The following DNAI7 variants were observed in gnomAD, a reference collection of about 807,000 sequenced individuals.
The protein encoded by DNAI7 is cancer susceptibility 1.
Under a neutral mutation model 86.6 loss-of-function variants are expected in DNAI7, and 78 were observed. The ratio of observed to expected loss-of-function variants is 0.90; its 90% CI spans 0.75 to 1.09. DNAI7 has a LOEUF of 1.09. DNAI7 is among the 50% of genes least tolerant of loss of function. The probability of loss-of-function intolerance (pLI) is 0.00; values close to 1 mark genes in which losing one functional copy is unlikely to be tolerated. For synonymous variants in DNAI7, 274 were observed against 273.0 expected (o/e 1.00, Z -0.04); for missense variants, 753 against 810.2 (o/e 0.93, Z 0.86).
downstream of DNAI7, chr12:25,107,968 G>A (rs755949382): frequency 4.6e-5 from 75 of 1,613,974 alleles, no homozygotes; most frequent in Middle Eastern, 8.2e-4. Flanking sequence ...TGTGGATGCC[G>A]CTCCCACACA....
At chr12:25,139,645 C>T (rs373484363) in intron 9 of DNAI7, among the ~76,000 whole-genome samples, 5 of 151,978 alleles carry the variant, frequency 3.3e-5, no homozygotes, top group African/African-American at 1.2e-4. Context: ...GTGAGTTGAA[C>T]AATGAGAAGC....
chr12:25,182,584 G>C (rs1442981839), intron 2 of DNAI7, among the ~76,000 whole-genome samples: 2 of 136,414 alleles, frequency 1.5e-5, no homozygotes, highest in Non-Finnish European at 1.6e-5. Flanking sequence ...ACTGCAGCCA[G>C]AGTGATAGAG....
intron 2 of DNAI7, among the ~76,000 whole-genome samples, chr12:25,172,220 A>C (rs2141159334): frequency 6.6e-6 from 1 of 151,852 alleles, no homozygotes; most frequent in Admixed American, 6.6e-5. Flanking sequence ...AAACCCTAGA[A>C]AGCTCCTAGA....
intron 2 of DNAI7, among the ~76,000 whole-genome samples, chr12:25,182,802 T>C (rs1463153871): frequency 6.8e-6 from 1 of 147,394 alleles, no homozygotes; most frequent in Non-Finnish European, 1.5e-5. Flanking sequence ...CACACGTCTG[T>C]GGTCCCAGCT....
chr12:25,129,244 G>A (rs1218920879), intron 9 of DNAI7, among the ~76,000 whole-genome samples: 1 of 151,998 alleles, frequency 6.6e-6, no homozygotes, highest in East Asian at 1.9e-4. Flanking sequence ...TGTTTAATTT[G>A]GTGCATGAAT....
chr12:25,115,722 T>G (rs560583510), intron 12 of DNAI7, among the ~76,000 whole-genome samples: 1 of 152,358 alleles, frequency 6.6e-6, no homozygotes, highest in South Asian at 2.1e-4. Flanking sequence ...GGCAGACATG[T>G]AAAATGGTAC....
chr12:25,155,296 A>G lies in DNAI7; in HGVS notation c.300+15T>C, dbSNP rs1388525863. ...GTGACAAAGGTATTAGCTAAAAAAG[A>G]GAAATCAGTCCTACCTGAGAAAGCA... On this transcript the variant is annotated intron_variant, in intron 5 of 15. Coordinates refer to ENST00000395987, the MANE Select transcript of DNAI7 (RefSeq NM_018272.5). The G allele has an allele frequency of 1.4e-6, 2 of 1,438,232 alleles. No individual in the cohort carries two copies. Among genetic ancestry groups the G allele is most frequent in the Non-Finnish European group, 1.9e-6 (2 of 1,031,140 alleles). The allele number at this position is 1,438,232 out of a possible 1,614,324, so 89.1% of individuals were successfully genotyped here. A position where few individuals can be genotyped will look rare whatever the true frequency, so the allele number is the denominator to read the frequency against.
At chr12:25,193,749 T>G (rs973066263) in intron 1 of DNAI7, among the ~76,000 whole-genome samples, 1 of 152,194 alleles carries the variant, frequency 6.6e-6, no homozygotes, top group Non-Finnish European at 1.5e-5. Context: ...GTTCCCCCAA[T>G]TTATTAGCAA....
chr12:25,188,673 C>CAA (rs71065918), intron 2 of DNAI7, among the ~76,000 whole-genome samples: 10 of 130,236 alleles, frequency 7.7e-5, no homozygotes, highest in African/African-American at 3.2e-4. Context: ...GACTCTGTCT[C>CAA]AAAAAAAAAA....
intron 9 of DNAI7, among the ~76,000 whole-genome samples, chr12:25,127,029 C>CT (rs1417300934): frequency 6.6e-6 from 1 of 152,170 alleles, no homozygotes; most frequent in Non-Finnish European, 1.5e-5. Flanking sequence ...AGAGGATATT[C>CT]TTGCATATAA....
intron 9 of DNAI7, among the ~76,000 whole-genome samples, chr12:25,135,691 G>T (rs1309652811): frequency 1.3e-5 from 2 of 152,092 alleles, no homozygotes; most frequent in African/African-American, 2.4e-5. Flanking sequence ...GACTGGCCTT[G>T]ATGGATGTGT....
chr12:25,181,004 C>T (rs919702092), intron 2 of DNAI7, among the ~76,000 whole-genome samples: 2 of 152,084 alleles, frequency 1.3e-5, no homozygotes, highest in African/African-American at 2.4e-5. Context: ...CACGGGGTTT[C>T]GCCATGTTGG....
At position 25,114,960 on chromosome 12, in the gene DNAI7, A is replaced by T. The variant is rs1033220102; in HGVS notation, c.1397-90T>A. On this transcript the variant is annotated intron_variant, in intron 12 of 15. Coordinates refer to ENST00000395987, the MANE Select transcript of DNAI7 (RefSeq NM_018272.5). Reference sequence around the variant, plus strand: ...AAGCACCAAAAAAATTGCTTTGTGTATAAATTGATCTTTCATATTTAGAAT... The same window carrying T: ...AAGCACCAAAAAAATTGCTTTGTGTTTAAATTGATCTTTCATATTTAGAAT... The T allele has an allele frequency of 1.3e-5, 12 of 939,718 alleles. No individual in the cohort carries two copies. In the Admixed American group the frequency reaches 2.6e-4, roughly 20 times the overall value. The allele number at this position is 939,718 out of a possible 1,614,324, so 58.2% of individuals were successfully genotyped here.
intron 2 of DNAI7, among the ~76,000 whole-genome samples, chr12:25,165,783 G>A (rs759613781): frequency 1.1e-4 from 17 of 152,016 alleles, no homozygotes; most frequent in Non-Finnish European, 1.6e-4. Flanking sequence ...CCCCATAACC[G>A]TTGGAGGTAT....
At chr12:25,128,240 C>A (rs1162485122) in intron 9 of DNAI7, among the ~76,000 whole-genome samples, 1 of 152,166 alleles carries the variant, frequency 6.6e-6, no homozygotes, top group Non-Finnish European at 1.5e-5. Context: ...TATACTTTTT[C>A]ATCAAAAGAT....
rs1257533787 is a variant in DNAI7 at position 25,144,673 on chromosome 12, T to C, written c.694A>G (p.Arg232Gly). Residue 232 changes from arginine (R) to glycine (G), a missense_variant, in exon 9 of 16, where the codon AGA becomes GGA. Transcript: ENST00000395987. ...WANLKKNPRH[R>G]SVRFSETQIG... ...TGTGTTTCAGAGAATCTAACACTTC[T>C]GTGCCTGTTAATAATTAATTACAAC... is the stretch of plus-strand genomic sequence containing the variant. 6.2e-6 allele frequency: 10 copies of C among 1,606,704 alleles called. No homozygotes were observed. Among genetic ancestry groups the C allele is most frequent in the Middle Eastern group, 1.7e-4 (1 of 6,054 alleles).
At chr12:25,187,663 G>C (rs975168691) in intron 2 of DNAI7, among the ~76,000 whole-genome samples, 3 of 152,064 alleles carry the variant, frequency 2.0e-5, no homozygotes, top group Admixed American at 6.6e-5. Context: ...AAATCATGTA[G>C]CATACTTTCA....
chr12:25,161,306 C>G (rs1946814154), intron 2 of DNAI7, 109 bp from the exon 3 acceptor site: 2 of 908,280 alleles, frequency 2.2e-6, no homozygotes, highest in East Asian at 2.5e-5. Flanking sequence ...ATAAAACCAG[C>G]CTTTCATGCA....
chr12:25,170,164 G>A (rs1199094364), intron 2 of DNAI7, among the ~76,000 whole-genome samples: 2 of 152,032 alleles, frequency 1.3e-5, no homozygotes, highest in African/African-American at 2.4e-5. Context: ...GCTGAGGGGG[G>A]TGAATCACCT....
Sources: gnomAD v4.1 joint callset for allele counts (sites outside exome capture counted in the v4.1 genomes callset) on GRCh38, gnomAD v4.1.1 for gene constraint, MANE v1.5 for transcripts, NCBI Gene and HGNC (gene_info 2026-07-23, HGNC 2026-07-21) for gene names.